The following SLC26A11 variants were observed in gnomAD, a reference collection of about 807,000 sequenced individuals.
The protein encoded by SLC26A11 is solute carrier family 26 member 11.
In SLC26A11, 58 loss-of-function variants were observed where a neutral mutation model predicts 62.2. The ratio of observed to expected loss-of-function variants is 0.93; its 90% CI spans 0.76 to 1.16. SLC26A11 has a LOEUF of 1.16. Among genes scored for constraint, SLC26A11 ranks in the 50% most tolerant of loss-of-function variants. The probability of loss-of-function intolerance (pLI) is 0.00; values close to 1 mark genes in which losing one functional copy is unlikely to be tolerated. For missense variants in SLC26A11, 790 were observed against 794.3 expected (o/e 0.99, Z 0.06); for synonymous variants, 411 against 368.9 (o/e 1.11, Z -1.31).
chr17:80,232,030 T>C (rs957773184), intron 7 of SLC26A11, among the ~76,000 whole-genome samples: 1 of 152,240 alleles, frequency 6.6e-6, no homozygotes, highest in Non-Finnish European at 1.5e-5. Flanking sequence ...AATGTTGAAA[T>C]AACTTCAGCT....
At chr17:80,221,271 T>C (rs749796318) in intron 2 of SLC26A11, 156 bp downstream of exon 2, 2 of 425,462 alleles carry the variant, frequency 4.7e-6, no homozygotes, top group Non-Finnish European at 8.3e-6. Flanking sequence ...TATCAGTTTC[T>C]TATCTGGGAG....
At chr17:80,238,586 G>A (rs555165102) in intron 9 of SLC26A11, among the ~76,000 whole-genome samples, 1 of 152,046 alleles carries the variant, frequency 6.6e-6, no homozygotes, top group Non-Finnish European at 1.5e-5. Flanking sequence ...CTCCACTCCT[G>A]CCAGCTTTGT....
In SLC26A11 at chr17:80,221,578, G is replaced by C. The variant is rs1349338618; in HGVS notation, c.18G>C (p.Thr6=). 6.3e-7 allele frequency: 1 copy of C among 1,597,666 alleles called. No individual in the cohort carries two copies. Among genetic ancestry groups the C allele is most frequent in the African/African-American group, 1.3e-5 (1 of 74,798 alleles). The change falls in exon 3 of 18, where the codon ACG becomes ACC. Residue 6 remains threonine, a synonymous_variant. Transcript: ENST00000361193. MPSSV[T]ALGQARSSGP... Reference sequence around the variant, plus strand: ...CCGTAGAGATGCCTTCTTCGGTGACGGCGCTGGGTCAGGCCAGGTCCTCTG... The same window carrying C: ...CCGTAGAGATGCCTTCTTCGGTGACCGCGCTGGGTCAGGCCAGGTCCTCTG...
At chr17:80,239,408 G>GTTTTA (rs1567959240) in intron 9 of SLC26A11, among the ~76,000 whole-genome samples, 3 of 137,552 alleles carry the variant, frequency 2.2e-5, no homozygotes, top group Non-Finnish European at 4.6e-5. Context: ...TTTTTTTTTC[G>GTTTTA]AGACGGAGTC....
chr17:80,249,242 G>C lies in SLC26A11; in HGVS notation c.1611G>C (p.Gln537His). Residue 537 changes from glutamine (Q) to histidine (H), a missense_variant, in exon 16 of 18, where the codon CAG becomes CAC. Coordinates refer to ENST00000361193, the MANE Select transcript of SLC26A11 (RefSeq NM_001166347.2). ...TVVLGLGELL[Q>H]DFQKQGVALA... ...TGCTGGGACTCGGCGAGCTCCTCCA[G>C]GACTTCCAGAAGCAGGGCGTCGCCC... 6.2e-7 allele frequency: 1 copy of C among 1,611,626 alleles called. No individual in the cohort carries two copies. Among genetic ancestry groups the C allele is most frequent in the Non-Finnish European group, 8.5e-7 (1 of 1,179,996 alleles).
intron 13 of SLC26A11, among the ~76,000 whole-genome samples, chr17:80,247,484 G>A (rs1019888977): frequency 1.3e-5 from 2 of 152,176 alleles, no homozygotes; most frequent in Non-Finnish European, 2.9e-5. Flanking sequence ...ATTTTGTTTT[G>A]TTTGTGGAAG....
At chr17:80,243,480 C>T (rs1169398015) in intron 10 of SLC26A11, among the ~76,000 whole-genome samples, 1 of 152,152 alleles carries the variant, frequency 6.6e-6, no homozygotes, top group African/African-American at 2.4e-5. Context: ...TTTCTGCAAC[C>T]TCCGTCTCCT....
At chr17:80,244,435 G>A (rs1013298984) in intron 10 of SLC26A11, among the ~76,000 whole-genome samples, 7 of 152,192 alleles carry the variant, frequency 4.6e-5, no homozygotes, top group South Asian at 2.1e-4. Flanking sequence ...TTTGTCTTAC[G>A]GGCACTTTAT....
Position 80,222,066 on chromosome 17 carries a change from C to A in SLC26A11, c.234+272C>A. On this transcript the variant is annotated intron_variant, in intron 3 of 17. Transcript: ENST00000361193. This position sits in a 1 kb window ranked among gnomAD's most constrained non-coding sequence, Gnocchi z 4.7. Reference sequence around the variant, plus strand: ...GACCAGCCCGACCAAAATGGTGAAACCCCGTCTCCACTAAAAATACAAAAA... The same window carrying A: ...GACCAGCCCGACCAAAATGGTGAAAACCCGTCTCCACTAAAAATACAAAAA... 1 of 435,208 alleles carries A rather than the reference C, an allele frequency of 2.3e-6. No homozygotes were observed. The highest frequency in any genetic ancestry group is 4.0e-6 in the Non-Finnish European group (1 of 247,612). 27.0% of individuals were successfully genotyped at this position (435,208 alleles called of 1,614,324 possible). A position where few individuals can be genotyped will look rare whatever the true frequency, so the allele number is the denominator to read the frequency against.
intron 9 of SLC26A11, among the ~76,000 whole-genome samples, chr17:80,238,811 GTTTTTTTTGTTTTTTGTTT>G (rs1454076599): frequency 2.4e-5 from 3 of 123,226 alleles, no homozygotes; most frequent in African/African-American, 1.0e-4. Flanking sequence ...CTTCAAAGGA[GTTTTTTTTGTTTTTTGTTT>G]TTTTTTTTTT....
rs1459306721 is a variant in SLC26A11, at chr17:80,222,633, TCAC to T, written c.235-17_235-15del. 14 of 1,609,058 alleles carry T rather than the reference TCAC, an allele frequency of 8.7e-6. No homozygotes were observed. The East Asian group carries it at 3.1e-4, about 36-fold the overall frequency. On this transcript the variant is annotated intron_variant, in intron 3 of 17. Transcript: ENST00000361193. The surrounding 1 kb of genome is among the most constrained non-coding windows in gnomAD (Gnocchi z 4.7). ...GGATGGGCCTCGGCCTCCTGAGTGC[TCAC>T]CACCCTCTCTCCCCACAGTATGGCC...
rs753311150 is a variant in SLC26A11 at position 80,248,260 on chromosome 17, A to G, written c.1422+3A>G. 2 of 1,606,252 alleles carry G rather than the reference A, an allele frequency of 1.2e-6. No homozygotes were observed. The highest frequency in any genetic ancestry group is 1.1e-5 in the South Asian group (1 of 90,310). On this transcript the variant is annotated splice_donor_region_variant and intron_variant, in intron 14 of 17. Coordinates refer to ENST00000361193, the MANE Select transcript of SLC26A11 (RefSeq NM_001166347.2). ...CTGCAGCCAGGCCTGAGACCAAGGT[A>G]CCCCTCCGTGGCCTCTGAGTGGGGA...
intron 15 of SLC26A11, 54 bp downstream of exon 15, chr17:80,248,728 C>G (rs912082042): frequency 4.4e-5 from 65 of 1,491,868 alleles, no homozygotes; most frequent in Non-Finnish European, 5.6e-5. Context: ...CCTCTGCCCC[C>G]CACTCCCTGC....
Position 80,245,229 on chromosome 17 carries a change from C to T in SLC26A11, c.1070C>T (p.Ser357Phe), listed in dbSNP as rs576883673. ...AACATGTTGGGCTCCCTCGTCTCCT[C>T]CTACCCGGTCACAGGCAGCTTTGGA... ...LTNMLGSLVS[S>F]YPVTGSFGRT... The change falls in exon 11 of 18, where the codon TCC becomes TTC. Residue 357 changes from serine (S) to phenylalanine (F), a missense_variant. Coordinates refer to ENST00000361193, the MANE Select transcript of SLC26A11 (RefSeq NM_001166347.2). The T allele has an allele frequency of 1.2e-6, 2 of 1,614,016 alleles. 1 individual carries two copies. The highest frequency in any genetic ancestry group is 3.3e-5 in the Admixed American group (2 of 59,974).
chr17:80,239,280 T>C (rs1321912411), intron 9 of SLC26A11, among the ~76,000 whole-genome samples: 2 of 151,952 alleles, frequency 1.3e-5, no homozygotes, highest in Non-Finnish European at 2.9e-5. Flanking sequence ...GGTTTCTCCA[T>C]GTTGATCATA....
intron 10 of SLC26A11, among the ~76,000 whole-genome samples, chr17:80,244,799 A>T (rs1478631021): frequency 6.6e-6 from 1 of 152,084 alleles, no homozygotes; most frequent in Non-Finnish European, 1.5e-5. Context: ...AACATGGCAA[A>T]ACTCTGTCTG....
At position 80,228,883 on chromosome 17, in the gene SLC26A11, T is replaced by G. The variant is rs1460065315; in HGVS notation, c.736+923T>G. Reference sequence around the variant, plus strand: ...CAGGGGTCCTTTGAGAAAGGGGTGGTGAGGGCTGCGTCGTGGAGGAGCAGG... The same window carrying G: ...CAGGGGTCCTTTGAGAAAGGGGTGGGGAGGGCTGCGTCGTGGAGGAGCAGG... On this transcript the variant is annotated intron_variant, in intron 7 of 17. Transcript: ENST00000361193. This position sits in a 1 kb window ranked among gnomAD's most constrained non-coding sequence, Gnocchi z 4.1. 6.6e-6 allele frequency among the ~76,000 whole-genome samples: 1 copy of G among 151,870 alleles called. No homozygotes were observed. Among genetic ancestry groups the G allele is most frequent in the Non-Finnish European group, 1.5e-5 (1 of 67,974 alleles).
chr17:80,241,914 A>G (rs576242982), intron 10 of SLC26A11, 93 bp downstream of exon 10: 4 of 1,378,802 alleles, frequency 2.9e-6, no homozygotes, highest in South Asian at 2.3e-5. Context: ...TAGGAAGACC[A>G]TGATGGTGGT....
At chr17:80,227,049 G>A (rs906777643) in intron 6 of SLC26A11, among the ~76,000 whole-genome samples, 7 of 152,258 alleles carry the variant, frequency 4.6e-5, no homozygotes, top group Admixed American at 2.6e-4. Context: ...AGAGCGTCAC[G>A]GGCTGTCATG....
Sources: allele counts gnomAD v4.1 joint callset (sites outside exome capture counted in the v4.1 genomes callset), GRCh38; gene constraint gnomAD v4.1.1; non-coding constraint Gnocchi (gnomAD v3.1); transcripts MANE v1.5; gene names NCBI Gene and HGNC (gene_info 2026-07-23, HGNC 2026-07-21).